ABTB3: variants seen among roughly 807,000 people sequenced by gnomAD.
ABTB3 encodes the protein ankyrin repeat- and BTB/POZ domain-containing protein 3.
At chr12:107,405,503 C>G in the ABTB3 span, among the ~76,000 whole-genome samples, 1 of 143,844 alleles carries the variant, frequency 7.0e-6, no homozygotes, top group Non-Finnish European at 1.5e-5. Context: ...CTGAAGGCAC[C>G]ACTCTCCGAG....
chr12:107,382,191 C>T, the ABTB3 span, among the ~76,000 whole-genome samples: 5 of 152,108 alleles, frequency 3.3e-5, no homozygotes, highest in African/African-American at 4.8e-5. Flanking sequence ...CATAAGGGCC[C>T]CCTGGAGGAG....
At chr12:107,580,564 GCC>G in the ABTB3 span, 1 of 177,724 alleles carries the variant, frequency 5.6e-6, no homozygotes, top group Non-Finnish European at 1.2e-5. Flanking sequence ...GGGGAAGGCT[GCC>G]GGTTAACCTG....
the ABTB3 span, among the ~76,000 whole-genome samples, chr12:107,559,235 G>C: frequency 6.6e-6 from 1 of 152,216 alleles, no homozygotes; most frequent in Non-Finnish European, 1.5e-5. Context: ...GTCTCCCAGA[G>C]AGAGATCACC....
the ABTB3 span, among the ~76,000 whole-genome samples, chr12:107,426,081 C>T: frequency 6.7e-6 from 1 of 148,656 alleles, no homozygotes; most frequent in South Asian, 2.3e-4. Context: ...GGCCTAGTTG[C>T]ATAAATGCTG....
the ABTB3 span, among the ~76,000 whole-genome samples, chr12:107,531,103 T>C: frequency 6.6e-6 from 1 of 152,220 alleles, no homozygotes; most frequent in African/African-American, 2.4e-5. Context: ...CAAAGCATTG[T>C]TCCTTAACTT....
the ABTB3 span, among the ~76,000 whole-genome samples, chr12:107,498,869 C>T: frequency 5.9e-5 from 9 of 152,206 alleles, no homozygotes; most frequent in Non-Finnish European, 8.8e-5. Flanking sequence ...CATTATAATG[C>T]TGACCATGCC....
At chr12:107,643,752 C>CTTTT in the ABTB3 span, among the ~76,000 whole-genome samples, 210 of 111,290 alleles carry the variant, frequency 1.9e-3, 4 homozygotes, top group South Asian at 3.1e-3. Flanking sequence ...ATTGTTATTC[C>CTTTT]TTTTTTTTTT....
chr12:107,365,006 A>G, the ABTB3 span, among the ~76,000 whole-genome samples: 1 of 152,172 alleles, frequency 6.6e-6, no homozygotes, highest in Non-Finnish European at 1.5e-5. Flanking sequence ...CACAGTACAT[A>G]GCACACATTT....
the ABTB3 span, among the ~76,000 whole-genome samples, chr12:107,552,413 C>T: frequency 2.6e-5 from 4 of 152,208 alleles, no homozygotes; most frequent in Non-Finnish European, 1.5e-5. Flanking sequence ...TCCTAGTCTC[C>T]GTATCCAGCG....
chr12:107,522,262 G>T, the ABTB3 span, among the ~76,000 whole-genome samples: 1 of 151,992 alleles, frequency 6.6e-6, no homozygotes, highest in Non-Finnish European at 1.5e-5. Context: ...ATGGATTTGG[G>T]GTGACAGACA....
chr12:107,612,721 C>A, the ABTB3 span: 4 of 1,458,252 alleles, frequency 2.7e-6, no homozygotes, highest in Non-Finnish European at 3.8e-6. Flanking sequence ...TTGTTATTGT[C>A]GATTGACCAC....
chr12:107,618,415 GC>G, the ABTB3 span: 3 of 1,567,858 alleles, frequency 1.9e-6, no homozygotes, highest in African/African-American at 2.7e-5. Context: ...GCACCATGGT[GC>G]CCCCAGCTTT....
At chr12:107,555,364 A>G in the ABTB3 span, among the ~76,000 whole-genome samples, 605 of 152,332 alleles carry the variant, frequency 4.0e-3, 4 homozygotes, top group African/African-American at 0.014. Flanking sequence ...GCCGAGGGGT[A>G]GAAATTGTTT....
At chr12:107,461,428 A>G in the ABTB3 span, among the ~76,000 whole-genome samples, 3 of 152,264 alleles carry the variant, frequency 2.0e-5, no homozygotes, top group Non-Finnish European at 4.4e-5. Flanking sequence ...GACAGCTACA[A>G]GCCAAGGAAT....
the ABTB3 span, among the ~76,000 whole-genome samples, chr12:107,354,753 C>T: frequency 1.8e-4 from 27 of 152,078 alleles, no homozygotes; most frequent in African/African-American, 6.3e-4. Flanking sequence ...ACATGCTTGC[C>T]GAACACTTGT....
chr12:107,348,023 G>GCTGAAAGATGGGTT, the ABTB3 span, among the ~76,000 whole-genome samples: 3 of 152,098 alleles, frequency 2.0e-5, no homozygotes, highest in Admixed American at 2.0e-4. Flanking sequence ...GCAACCAGGG[G>GCTGAAAGATGGGTT]TTGAAAGATG....
the ABTB3 span, among the ~76,000 whole-genome samples, chr12:107,620,765 C>G: frequency 6.6e-6 from 1 of 152,188 alleles, no homozygotes; most frequent in African/African-American, 2.4e-5. Flanking sequence ...ACCTGTATCC[C>G]CAGCAACAGA....
chr12:107,543,866 A>T, the ABTB3 span: 14 of 1,423,772 alleles, frequency 9.8e-6, no homozygotes, highest in Admixed American at 2.2e-5. Context: ...CTCCACAGAG[A>T]TCTTCAGGTA....
the ABTB3 span, among the ~76,000 whole-genome samples, chr12:107,557,282 T>C: frequency 6.6e-6 from 1 of 152,102 alleles, no homozygotes; most frequent in African/African-American, 2.4e-5. Flanking sequence ...CTGTCTAGCA[T>C]GTTACTCTAC....
Sources: allele counts gnomAD v4.1 joint callset (sites outside exome capture counted in the v4.1 genomes callset), GRCh38; gene constraint gnomAD v4.1.1; transcripts MANE v1.5; gene names NCBI Gene and HGNC (gene_info 2026-07-23, HGNC 2026-07-21).